Variants in RXRA observed in about 807,000 individuals in gnomAD.
RXRA encodes the protein retinoid X receptor alpha.
A neutral mutation model predicts 44.5 loss-of-function variants in RXRA; 5 were observed. The ratio of observed to expected loss-of-function variants is 0.11; its 90% CI spans 0.06 to 0.24. The LOEUF is 0.24. RXRA is among the 10% of genes least tolerant of loss of function. The probability of loss-of-function intolerance (pLI) is 1.00; values close to 1 mark genes in which losing one functional copy is unlikely to be tolerated. For missense variants in RXRA, 412 were observed against 646.5 expected (o/e 0.64, Z 3.93); for synonymous variants, 291 against 271.4 (o/e 1.07, Z -0.71).
In RXRA at chr9:134,434,187, G is replaced by A; in HGVS notation, c.1221G>A (p.Lys407=). ...YASLEAYCKH[K]YPEQPGRFAK... ...CCTTGGAGGCCTACTGCAAGCACAAGTACCCAGAGCAGCCGGGAAGGTGGG... is the reference window on the plus strand; with the variant it reads ...CCTTGGAGGCCTACTGCAAGCACAAATACCCAGAGCAGCCGGGAAGGTGGG... Residue 407 remains lysine (K), a synonymous_variant, in exon 9 of 10, where the codon AAG becomes AAA. Transcript: ENST00000481739. 1 of 1,613,668 alleles carries A rather than the reference G, an allele frequency of 6.2e-7. No individual in the cohort carries two copies. Among genetic ancestry groups the A allele is most frequent in the Non-Finnish European group, 8.5e-7 (1 of 1,179,768 alleles).
At position 134,428,566 on chromosome 9, in the gene RXRA, C is replaced by CCA. The variant is rs769572312; in HGVS notation, c.911-541_911-540insAC. Among the ~76,000 whole-genome samples, 970 of 136,888 alleles carry CCA rather than the reference C, an allele frequency of 7.1e-3. 31 individuals carry two copies. Among genetic ancestry groups the CCA allele is most frequent in the African/African-American group, 0.011 (381 of 35,696 alleles). 89.8% of individuals were successfully genotyped at this position (136,888 alleles called of 152,430 possible). ...TGAGGGGCTGCTGTTACCTAACCAC[C>CCA]CGCCCCAGGGAACCCCCACTATGTT... On this transcript the variant is annotated intron_variant, in intron 6 of 9. Transcript: ENST00000481739.
intron 1 of RXRA, among the ~76,000 whole-genome samples, chr9:134,392,729 A>G (rs1266180961): frequency 3.3e-5 from 5 of 152,134 alleles, no homozygotes; most frequent in Admixed American, 2.0e-4. Flanking sequence ...TAGCTCTCCT[A>G]AAAGGGCCAG....
intron 1 of RXRA, among the ~76,000 whole-genome samples, chr9:134,355,429 A>G (rs1046237060): frequency 6.6e-6 from 1 of 151,948 alleles, no homozygotes; most frequent in African/African-American, 2.4e-5. Flanking sequence ...GAGGGTGAAC[A>G]GAGATGAAGC....
rs571351430 is a variant in RXRA at position 134,365,999 on chromosome 9, C to T, written c.29-35633C>T. Among the ~76,000 whole-genome samples, 21 of 152,194 alleles carry T rather than the reference C, an allele frequency of 1.4e-4. No individual in the cohort carries two copies. The highest frequency in any genetic ancestry group is 3.1e-4 in the African/African-American group (13 of 41,530). ...GAGCCGCCTGTCTTTGCAGGAGCCG[C>T]GGGGATCATCTGGCGGCTGCCTCCA... On this transcript the variant is annotated intron_variant, in intron 1 of 9. Coordinates refer to ENST00000481739, the MANE Select transcript of RXRA (RefSeq NM_002957.6). The surrounding 1 kb of genome is among the most constrained non-coding windows in gnomAD (Gnocchi z 4.0).
rs183461560 is a variant in RXRA at position 134,366,000 on chromosome 9, G to T, written c.29-35632G>T. ...AGCCGCCTGTCTTTGCAGGAGCCGC[G>T]GGGATCATCTGGCGGCTGCCTCCAC... On this transcript the variant is annotated intron_variant, in intron 1 of 9. Coordinates refer to ENST00000481739, the MANE Select transcript of RXRA (RefSeq NM_002957.6). This position sits in a 1 kb window ranked among gnomAD's most constrained non-coding sequence, Gnocchi z 4.0. Among the ~76,000 whole-genome samples, 3 of 152,236 alleles carry T rather than the reference G, an allele frequency of 2.0e-5. No individual in the cohort carries two copies. In the South Asian group the frequency reaches 6.2e-4, roughly 32 times the overall value.
chr9:134,430,098 G>A (rs1427924816), intron 7 of RXRA, among the ~76,000 whole-genome samples: 6 of 152,210 alleles, frequency 3.9e-5, no homozygotes, highest in African/African-American at 7.2e-5. Context: ...GTGTTAGCCA[G>A]GATGGTCTCG....
At chr9:134,377,064 G>A (rs953612994) in intron 1 of RXRA, among the ~76,000 whole-genome samples, 25 of 152,196 alleles carry the variant, frequency 1.6e-4, no homozygotes, top group Non-Finnish European at 3.1e-4. Flanking sequence ...CCTAGGGGCC[G>A]ACCCTGTGAG....
At chr9:134,414,506 A>G (rs1831202012) in intron 4 of RXRA, among the ~76,000 whole-genome samples, 1 of 152,226 alleles carries the variant, frequency 6.6e-6, no homozygotes. Flanking sequence ...CGAGGCACAG[A>G]GAGGTCAGGG....
At chr9:134,411,054 C>G (rs71505299) in intron 4 of RXRA, among the ~76,000 whole-genome samples, 1 of 152,222 alleles carries the variant, frequency 6.6e-6, no homozygotes, top group Admixed American at 6.5e-5. Context: ...CTGTTGACGC[C>G]TGAGGAATGA....
At chr9:134,340,689 A>G (rs10881578) in intron 1 of RXRA, among the ~76,000 whole-genome samples, 47,852 of 152,096 alleles carry the variant, frequency 0.31, 7,751 homozygotes, top group African/African-American at 0.38. Context: ...AGCAGTGCCT[A>G]AGCCACATGC....
intron 1 of RXRA, among the ~76,000 whole-genome samples, chr9:134,339,282 C>T (rs538350676): frequency 5.0e-4 from 76 of 152,370 alleles, no homozygotes; most frequent in Non-Finnish European, 8.7e-4. Flanking sequence ...TTCAGGGGCG[C>T]GTCGTCCTCC....
intron 7 of RXRA, 121 bp downstream of exon 7, chr9:134,429,361 T>G (rs1588308383): frequency 9.6e-7 from 1 of 1,041,138 alleles, no homozygotes; most frequent in Non-Finnish European, 1.4e-6. Context: ...GCATGAAGGG[T>G]GCACACATGG....
chr9:134,327,000 C>T (rs1834925358), intron 1 of RXRA, among the ~76,000 whole-genome samples: 1 of 151,654 alleles, frequency 6.6e-6, no homozygotes, highest in Admixed American at 6.6e-5. Flanking sequence ...CCGGCCGGAG[C>T]GGGAGGAGCA....
intron 1 of RXRA, among the ~76,000 whole-genome samples, chr9:134,397,080 G>C (rs914010706): frequency 7.2e-5 from 11 of 152,242 alleles, no homozygotes; most frequent in African/African-American, 2.2e-4. Flanking sequence ...CAGGCTTCCT[G>C]CTCTGGGGTC....
rs776877361 is a variant in RXRA, at chr9:134,434,202, G to A, written c.1236G>A (p.Pro412=). 7.4e-6 allele frequency: 12 copies of A among 1,611,708 alleles called. No individual in the cohort carries two copies. Among genetic ancestry groups the A allele is most frequent in the South Asian group, 3.3e-5 (3 of 91,028 alleles). The change falls in exon 9 of 10, where the codon CCG becomes CCA. Residue 412 remains proline (P), a synonymous_variant. Transcript: ENST00000481739. ...GCAAGCACAAGTACCCAGAGCAGCC[G>A]GGAAGGTGGGTCCCGCCCCGTCCCA... ...AYCKHKYPEQ[P]GRFAKLLLRL... is the part of the protein sequence containing the mutation.
At chr9:134,331,372 G>A (rs1158990129) in intron 1 of RXRA, among the ~76,000 whole-genome samples, 1 of 152,226 alleles carries the variant, frequency 6.6e-6, no homozygotes, top group Non-Finnish European at 1.5e-5. Context: ...AATTGGCCCG[G>A]CCGCTGTGGG....
Position 134,390,536 on chromosome 9 carries a change from A to G in RXRA, c.29-11096A>G, listed in dbSNP as rs1830784845. Among the ~76,000 whole-genome samples the G allele has an allele frequency of 2.0e-5, 3 of 152,148 alleles. No individual in the cohort carries two copies. In the South Asian group the frequency reaches 6.2e-4, roughly 31 times the overall value. ...GGCCACGGGGTGGTTTGTCTCGCTC[A>G]GAGTGGTGATGAGCCTGACCCGGGC... On this transcript the variant is annotated intron_variant, in intron 1 of 9. Transcript: ENST00000481739.
chr9:134,360,914 C>G (rs7853934), intron 1 of RXRA, among the ~76,000 whole-genome samples: 1 of 152,130 alleles, frequency 6.6e-6, no homozygotes, highest in Non-Finnish European at 1.5e-5. Context: ...CGATGCAGGG[C>G]GAGGGTTCCG....
chr9:134,385,387 C>T (rs532729510), intron 1 of RXRA, among the ~76,000 whole-genome samples: 31 of 152,316 alleles, frequency 2.0e-4, no homozygotes, highest in African/African-American at 6.5e-4. Context: ...TCAAGCCTCT[C>T]GAGGCGGGTT....
Sources: allele counts gnomAD v4.1 joint callset (sites outside exome capture counted in the v4.1 genomes callset), GRCh38; gene constraint gnomAD v4.1.1; non-coding constraint Gnocchi (gnomAD v3.1); transcripts MANE v1.5; gene names NCBI Gene and HGNC (gene_info 2026-07-23, HGNC 2026-07-21).